Variants in STX17 observed in about 807,000 individuals in gnomAD.
STX17 encodes the protein syntaxin 17.
A neutral mutation model predicts 35.9 loss-of-function variants in STX17; 29 were observed. The ratio of observed to expected loss-of-function variants is 0.81; its 90% CI spans 0.60 to 1.10. The LOEUF (loss-of-function observed/expected upper bound fraction) is 1.10. Ranked by LOEUF, STX17 falls within the 50% of genes least tolerant of loss-of-function variation. STX17 has a pLI of 0.00. For synonymous variants in STX17, 92 were observed against 118.3 expected, an observed-to-expected ratio of 0.78 and a Z score of 1.44; for missense variants, 312 against 352.3, an observed-to-expected ratio of 0.89 and a Z score of 0.92.
intron 3 of STX17, chr9:99,945,820 G>A (rs746193633): frequency 2.9e-5 from 9 of 309,154 alleles, no homozygotes; most frequent in South Asian, 1.0e-4. Context: ...GGTGGCTTAC[G>A]CCTGTAATCC....
chr9:99,942,426 A>G (rs1273664516), intron 3 of STX17, among the ~76,000 whole-genome samples: 1 of 152,130 alleles, frequency 6.6e-6, no homozygotes, highest in Non-Finnish European at 1.5e-5. Context: ...CTTGATGACT[A>G]GAAGCTCATT....
At chr9:99,915,701 A>G (rs536884787) in intron 2 of STX17, among the ~76,000 whole-genome samples, 19 of 152,118 alleles carry the variant, frequency 1.2e-4, no homozygotes, top group African/African-American at 4.6e-4. Flanking sequence ...CAAGCTATCT[A>G]CACACCACTA....
At chr9:99,962,516 A>ATAATTTGTT (rs1829846845) in intron 6 of STX17, among the ~76,000 whole-genome samples, 1 of 152,208 alleles carries the variant, frequency 6.6e-6, no homozygotes. Flanking sequence ...TTATACCTCA[A>ATAATTTGTT]TAAAGCTGAT....
intron 3 of STX17, among the ~76,000 whole-genome samples, chr9:99,947,097 C>A (rs974778882): frequency 6.6e-6 from 1 of 152,046 alleles, no homozygotes; most frequent in Non-Finnish European, 1.5e-5. Flanking sequence ...CCTTTTCTAA[C>A]TATATCTTCT....
At chr9:99,937,288 C>T (rs935866382) in intron 3 of STX17, among the ~76,000 whole-genome samples, 1 of 152,112 alleles carries the variant, frequency 6.6e-6, no homozygotes, top group Non-Finnish European at 1.5e-5. Flanking sequence ...GACCTCTGGA[C>T]TTATCGTTTG....
chr9:99,950,405 A>G (rs1283066207), intron 3 of STX17, among the ~76,000 whole-genome samples: 1 of 152,000 alleles, frequency 6.6e-6, no homozygotes, highest in East Asian at 1.9e-4. Context: ...TAATATATTA[A>G]TATTAGTGTA....
At chr9:99,909,170 A>C (rs1340769949) in intron 1 of STX17, among the ~76,000 whole-genome samples, 1 of 152,258 alleles carries the variant, frequency 6.6e-6, no homozygotes, top group Non-Finnish European at 1.5e-5. Context: ...ATTCAGTTAA[A>C]ATATTGTTTT....
chr9:99,944,819 A>G lies in STX17; in HGVS notation c.190-6241A>G, dbSNP rs1269169633. On this transcript the variant is annotated intron_variant, in intron 3 of 7. Coordinates refer to ENST00000259400, the MANE Select transcript of STX17 (RefSeq NM_017919.3). ...GCATGAGCCACTGCGCCCAGCCAGCATTTTTTATTTCTATTGTGATTTCTT... is the reference window on the plus strand; with the variant it reads ...GCATGAGCCACTGCGCCCAGCCAGCGTTTTTTATTTCTATTGTGATTTCTT... Among the ~76,000 whole-genome samples the G allele has an allele frequency of 7.2e-5, 11 of 152,046 alleles. No homozygotes were observed. The East Asian group carries it at 1.9e-3, about 27-fold the overall frequency.
rs917995522 is a variant in STX17, at chr9:99,972,181, GA to G, written c.*3511del. Reference sequence around the variant, plus strand: ...TTTGGCCCTTAAACTATAAAATCAAGAAAGAGTATTTCAATCCCATCCACCT... The same window carrying G: ...TTTGGCCCTTAAACTATAAAATCAAGAAGAGTATTTCAATCCCATCCACCT... On this transcript the variant is annotated 3_prime_UTR_variant, in exon 8 of 8. Coordinates refer to ENST00000259400, the MANE Select transcript of STX17 (RefSeq NM_017919.3). Among the ~76,000 whole-genome samples the G allele has an allele frequency of 1.3e-5, 2 of 152,110 alleles. No homozygotes were observed. Among genetic ancestry groups the G allele is most frequent in the Admixed American group, 1.3e-4 (2 of 15,274 alleles).
At chr9:99,933,767 G>C (rs1342967608) in intron 3 of STX17, among the ~76,000 whole-genome samples, 2 of 152,060 alleles carry the variant, frequency 1.3e-5, no homozygotes, top group Non-Finnish European at 2.9e-5. Flanking sequence ...TTGTTGACTT[G>C]CTAGTTTAAT....
At chr9:99,910,346 A>G (rs535347859) in intron 1 of STX17, among the ~76,000 whole-genome samples, 4 of 152,308 alleles carry the variant, frequency 2.6e-5, no homozygotes, top group East Asian at 3.9e-4. Context: ...TTTTTCACCA[A>G]TGACATGTCT....
At chr9:99,937,013 C>T (rs1829250637) in intron 3 of STX17, among the ~76,000 whole-genome samples, 1 of 151,930 alleles carries the variant, frequency 6.6e-6, no homozygotes, top group Non-Finnish European at 1.5e-5. Flanking sequence ...TTTATTTCGC[C>T]ATTGTTTTTA....
In STX17 at chr9:99,934,667, C is replaced by T. The variant is rs185680100; in HGVS notation, c.189+5824C>T. Among the ~76,000 whole-genome samples the T allele has an allele frequency of 5.9e-5, 9 of 152,280 alleles. No homozygotes were observed. In the East Asian group the frequency reaches 1.2e-3, roughly 20 times the overall value. The stretch of plus-strand genomic sequence containing the variant: ...TTAAATGTTTACCAGTGGACTTCTG[C>T]TCTGTGTTTGTAAAGAAATCAGATT... On this transcript the variant is annotated intron_variant, in intron 3 of 7. Coordinates refer to ENST00000259400, the MANE Select transcript of STX17 (RefSeq NM_017919.3).
chr9:99,956,236 T>C (rs908639469), intron 4 of STX17, among the ~76,000 whole-genome samples: 2 of 152,160 alleles, frequency 1.3e-5, no homozygotes, highest in African/African-American at 4.8e-5. Context: ...AAATCTTTTA[T>C]GTTTGTTTAA....
At chr9:99,924,876 C>T (rs1360091704) in intron 2 of STX17, among the ~76,000 whole-genome samples, 1 of 152,096 alleles carries the variant, frequency 6.6e-6, no homozygotes, top group Non-Finnish European at 1.5e-5. Context: ...AATGGTCTTT[C>T]ACCACTTAAG....
At chr9:99,947,854 G>T (rs1829514993) in intron 3 of STX17, among the ~76,000 whole-genome samples, 1 of 151,972 alleles carries the variant, frequency 6.6e-6, no homozygotes, top group Non-Finnish European at 1.5e-5. Context: ...ATGTGGTCCT[G>T]AGTTCAGGAC....
intron 3 of STX17, among the ~76,000 whole-genome samples, chr9:99,931,073 C>T (rs1476382628): frequency 6.6e-6 from 1 of 152,108 alleles, no homozygotes; most frequent in Non-Finnish European, 1.5e-5. Flanking sequence ...CTCCACCTCC[C>T]GGTTTCAAGC....
chr9:99,930,408 C>A (rs1829096205), intron 3 of STX17, among the ~76,000 whole-genome samples: 1 of 151,972 alleles, frequency 6.6e-6, no homozygotes, highest in African/African-American at 2.4e-5. Context: ...GCTGGGACTA[C>A]AGGCGCCCAC....
chr9:99,946,461 A>T (rs893875700), intron 3 of STX17, among the ~76,000 whole-genome samples: 2 of 152,200 alleles, frequency 1.3e-5, no homozygotes, highest in African/African-American at 4.8e-5. Flanking sequence ...ATGCCCTGCA[A>T]CTTAAATGCT....
Sources: gnomAD v4.1 joint callset for allele counts (sites outside exome capture counted in the v4.1 genomes callset) on GRCh38, gnomAD v4.1.1 for gene constraint, MANE v1.5 for transcripts, NCBI Gene and HGNC (gene_info 2026-07-23, HGNC 2026-07-21) for gene names.